MYOF: variants seen among roughly 807,000 people sequenced by gnomAD.
MYOF encodes myoferlin.
Under a neutral mutation model 284.2 loss-of-function variants are expected in MYOF, and 244 were observed. That is an observed-to-expected ratio of 0.86 (90% CI 0.77 to 0.95). The LOEUF is 0.95. MYOF is among the 40% of genes least tolerant of loss of function. The probability of loss-of-function intolerance (pLI) is 0.00; values close to 1 mark genes in which losing one functional copy is unlikely to be tolerated. For missense variants in MYOF, 2,496 were observed against 2,560.6 expected (o/e 0.97, Z 0.54); for synonymous variants, 904 against 919.7 (o/e 0.98, Z 0.31).
Position 93,452,068 on chromosome 10 carries a change from T to C in MYOF, c.218A>G (p.Glu73Gly). Residue 73 changes from glutamate to glycine, a missense_variant, in exon 3 of 54, where the codon GAG (glutamate) becomes GGG (glycine). Glu to Gly is a moderately conservative substitution (Grantham distance 98). Transcript: ENST00000359263. ...SSLGIIVKDF[E>G]TIGQNKLIGT... ...AACTTACTTATTTTGTCCAATTGTCTCAAAATCTTTCACAATAATCCCAAG... is the reference window on the plus strand; with the variant it reads ...AACTTACTTATTTTGTCCAATTGTCCCAAAATCTTTCACAATAATCCCAAG... 1 of 1,612,112 alleles carries C rather than the reference T, an allele frequency of 6.2e-7. No individual in the cohort carries two copies. Among genetic ancestry groups the C allele is most frequent in the Non-Finnish European group, 8.5e-7 (1 of 1,179,062 alleles).
intron 18 of MYOF, among the ~76,000 whole-genome samples, chr10:93,388,477 A>G (rs1221584869): frequency 6.6e-6 from 1 of 152,184 alleles, no homozygotes; most frequent in African/African-American, 2.4e-5. Context: ...CAGTGCTGGC[A>G]ATAGAACCTT....
chr10:93,459,671 G>A (rs773388712), intron 1 of MYOF, among the ~76,000 whole-genome samples: 5 of 152,206 alleles, frequency 3.3e-5, no homozygotes, highest in South Asian at 2.1e-4. Flanking sequence ...TGGGCTTGGC[G>A]TCTTGGAAAA....
At chr10:93,383,285 T>C (rs1846211946) in intron 19 of MYOF, among the ~76,000 whole-genome samples, 1 of 152,194 alleles carries the variant, frequency 6.6e-6, no homozygotes, top group Admixed American at 6.5e-5. Context: ...CATCCTTCTA[T>C]TACAGAGTCT....
intron 19 of MYOF, among the ~76,000 whole-genome samples, chr10:93,384,176 G>A (rs1846249956): frequency 6.6e-6 from 1 of 152,172 alleles, no homozygotes; most frequent in African/African-American, 2.4e-5. Flanking sequence ...CCAGAGCCAG[G>A]CTACCCTCGA....
At chr10:93,408,278 G>A (rs371691193) in intron 7 of MYOF, among the ~76,000 whole-genome samples, 5 of 152,066 alleles carry the variant, frequency 3.3e-5, no homozygotes, top group Admixed American at 6.5e-5. Flanking sequence ...GGCCGGGCGC[G>A]GTGGCTCATG....
At chr10:93,329,235 T>C (rs1275483632) in intron 44 of MYOF, among the ~76,000 whole-genome samples, 1 of 152,196 alleles carries the variant, frequency 6.6e-6, no homozygotes, top group African/African-American at 2.4e-5. Context: ...CTTAATCAGA[T>C]ACTGTGGAAA....
Position 93,468,255 on chromosome 10 carries a change from G to A in MYOF, c.89-11318C>T, listed in dbSNP as rs565174397. Among the ~76,000 whole-genome samples, 5 of 152,334 alleles carry A rather than the reference G, an allele frequency of 3.3e-5. No homozygotes were observed. The South Asian group carries it at 1.0e-3, about 32-fold the overall frequency. The stretch of plus-strand genomic sequence containing the variant: ...CATAATTTGCTAGAGAATGAATTAA[G>A]TCTCAAGTACTCAGCAAATACATTT... On this transcript the variant is annotated intron_variant, in intron 1 of 53. Transcript: ENST00000359263.
chr10:93,324,900 C>T (rs1245782323), intron 46 of MYOF, among the ~76,000 whole-genome samples: 4 of 152,232 alleles, frequency 2.6e-5, no homozygotes, highest in African/African-American at 9.6e-5. Context: ...CTGCCTCAGC[C>T]TCCCGAGTAG....
At chr10:93,411,168 T>C (rs1847884917) in intron 5 of MYOF, among the ~76,000 whole-genome samples, 1 of 152,234 alleles carries the variant, frequency 6.6e-6, no homozygotes, top group South Asian at 2.1e-4. Flanking sequence ...TTTTGGTTGG[T>C]GTCTTCACCT....
chr10:93,335,577 A>G (rs1257052194), intron 41 of MYOF, among the ~76,000 whole-genome samples: 1 of 137,126 alleles, frequency 7.3e-6, no homozygotes, highest in Non-Finnish European at 1.7e-5. Flanking sequence ...CTTAGGATTC[A>G]AGGCTGCTTG....
intron 37 of MYOF, among the ~76,000 whole-genome samples, chr10:93,347,380 G>A (rs1844240460): frequency 6.7e-6 from 1 of 150,190 alleles, no homozygotes; most frequent in African/African-American, 2.4e-5. Context: ...GTGAAACCCC[G>A]TCTCTACTAA....
At chr10:93,446,819 C>G (rs1044194625) in intron 3 of MYOF, among the ~76,000 whole-genome samples, 2 of 151,628 alleles carry the variant, frequency 1.3e-5, no homozygotes, top group African/African-American at 4.9e-5. Flanking sequence ...CTCCCAGGTT[C>G]GAGTGATTCT....
At chr10:93,466,298 A>T (rs2057007666) in intron 1 of MYOF, among the ~76,000 whole-genome samples, 1 of 152,162 alleles carries the variant, frequency 6.6e-6, no homozygotes, top group South Asian at 2.1e-4. Context: ...TGGCAACAGG[A>T]TACAAAGCGA....
chr10:93,399,498 G>A lies in MYOF; in HGVS notation c.1118-3C>T. The A allele has an allele frequency of 6.2e-7, 1 of 1,601,252 alleles. No homozygotes were observed. The highest frequency in any genetic ancestry group is 8.5e-7 in the Non-Finnish European group (1 of 1,170,964). On this transcript the variant is annotated splice_region_variant and splice_polypyrimidine_tract_variant and intron_variant, in intron 12 of 53. Coordinates refer to ENST00000359263, the MANE Select transcript of MYOF (RefSeq NM_013451.4). ...TGTCTGTGAGAAGGCATCATCCACT[G>A]GAAGGTAATAGTTATACAGCAGAAA...
At chr10:93,451,918 C>A in intron 3 of MYOF, 132 bp downstream of exon 3, 1 of 713,326 alleles carries the variant, frequency 1.4e-6, no homozygotes. Context: ...TAGAAGGGAG[C>A]GGGGCATGGA....
chr10:93,398,639 G>T (rs371540478), intron 13 of MYOF, among the ~76,000 whole-genome samples: 1 of 152,226 alleles, frequency 6.6e-6, no homozygotes, highest in South Asian at 2.1e-4. Flanking sequence ...TTTAATTCAG[G>T]CCTCATTTTG....
intron 22 of MYOF, among the ~76,000 whole-genome samples, chr10:93,375,459 C>T (rs1393113838): frequency 6.6e-6 from 1 of 152,244 alleles, no homozygotes; most frequent in Non-Finnish European, 1.5e-5. Context: ...CTGTGTCTAT[C>T]TGTGTCAACA....
In MYOF at chr10:93,355,623, C is replaced by T. The variant is rs1163659537; in HGVS notation, c.3403+5G>A. 1.9e-6 allele frequency: 3 copies of T among 1,593,292 alleles called. No homozygotes were observed. The African/African-American group carries it at 4.0e-5, about 21-fold the overall frequency. On this transcript the variant is annotated splice_donor_5th_base_variant and intron_variant, in intron 31 of 53. Coordinates refer to ENST00000359263, the MANE Select transcript of MYOF (RefSeq NM_013451.4). ...AAAATAAATCAAAAATAAAACAAAACTCACTGTCAAAATTGCAGGAAACAA... is the reference window on the plus strand; with the variant it reads ...AAAATAAATCAAAAATAAAACAAAATTCACTGTCAAAATTGCAGGAAACAA...
rs367952889 is a variant in MYOF at position 93,381,380 on chromosome 10, C to T, written c.1715G>A (p.Arg572Gln). The T allele has an allele frequency of 1.1e-4, 184 of 1,614,152 alleles. No individual in the cohort carries two copies. The highest frequency in any genetic ancestry group is 1.5e-4 in the Non-Finnish European group (172 of 1,180,024). ...AAACACGGCAGACAGGCTGTACTTCCGCCTTCGCTGGTATTTCTATAAAGT... is the reference window on the plus strand; with the variant it reads ...AAACACGGCAGACAGGCTGTACTTCTGCCTTCGCTGGTATTTCTATAAAGT... ...LLVVEKYQRR[R>Q]KYSLSAVFHS... The change falls in exon 20 of 54, where the codon CGG becomes CAG. Residue 572 changes from arginine (R) to glutamine (Q), a missense_variant. Transcript: ENST00000359263.
Sources: gnomAD v4.1 joint callset for allele counts (sites outside exome capture counted in the v4.1 genomes callset) on GRCh38, gnomAD v4.1.1 for gene constraint, MANE v1.5 for transcripts, NCBI Gene and HGNC (gene_info 2026-07-23, HGNC 2026-07-21) for gene names.